The following SPTAN1 variants were observed in gnomAD, a reference collection of about 807,000 sequenced individuals.
SPTAN1 encodes the protein spectrin alpha, non-erythrocytic 1.
Under a neutral mutation model 331.3 loss-of-function variants are expected in SPTAN1, and 61 were observed. That is an observed-to-expected ratio of 0.18 (90% CI 0.15 to 0.23). The LOEUF (loss-of-function observed/expected upper bound fraction) is 0.23. Among genes scored for constraint, SPTAN1 ranks in the 10% least tolerant of loss-of-function variants. SPTAN1 has a pLI of 1.00. For missense variants in SPTAN1, 2,043 were observed against 3,147.9 expected (o/e 0.65, Z 8.40); for synonymous variants, 1,153 against 1,173.9 (o/e 0.98, Z 0.36).
At chr9:128,610,003 G>T (rs908295018) in intron 37 of SPTAN1, among the ~76,000 whole-genome samples, 1 of 152,178 alleles carries the variant, frequency 6.6e-6, no homozygotes, top group Non-Finnish European at 1.5e-5. Flanking sequence ...AGCTTTTTCT[G>T]TGTAGACATT....
chr9:128,615,776 C>T lies in SPTAN1; in HGVS notation c.5293C>T (p.Leu1765=). ...KSMAASRRAK[L]NESHRLHQFF... is the part of the protein sequence containing the mutation. The stretch of plus-strand genomic sequence containing the variant: ...CATGGCGGCCTCCCGGCGAGCCAAG[C>T]TGAATGAATCCCATCGCCTGCACCA... The change falls in exon 41 of 57, where the codon CTG becomes TTG. Residue 1765 remains leucine (L), a synonymous_variant. Transcript: ENST00000372739. The T allele has an allele frequency of 3.1e-6, 5 of 1,614,240 alleles. No individual in the cohort carries two copies. The highest frequency in any genetic ancestry group is 4.2e-6 in the Non-Finnish European group (5 of 1,180,046).
chr9:128,606,292 T>A (rs1302955822), intron 31 of SPTAN1, among the ~76,000 whole-genome samples: 1 of 136,040 alleles, frequency 7.4e-6, no homozygotes, highest in African/African-American at 2.7e-5. Flanking sequence ...AGGAGAATCA[T>A]TTGAACCTGG....
At chr9:128,608,556 G>A (rs1313335452) in intron 34 of SPTAN1, among the ~76,000 whole-genome samples, 1 of 152,188 alleles carries the variant, frequency 6.6e-6, no homozygotes, top group East Asian at 1.9e-4. Context: ...AAAACTGTTT[G>A]ATTTATACGT....
chr9:128,632,011 T>G, intron 52 of SPTAN1, 116 bp from the exon 53 acceptor site: 1 of 1,057,514 alleles, frequency 9.5e-7, no homozygotes, highest in Non-Finnish European at 1.4e-6. Flanking sequence ...AATGTTCTTG[T>G]TTTACGAGGT....
chr9:128,613,557 C>A, intron 40 of SPTAN1, 72 bp downstream of exon 40: 4 of 1,283,748 alleles, frequency 3.1e-6, no homozygotes, highest in South Asian at 1.2e-5. Context: ...GGAAAACAAG[C>A]GTGTTTGAGA....
Position 128,603,546 on chromosome 9 carries a change from G to A in SPTAN1, c.3583G>A (p.Ala1195Thr). Residue 1195 changes from alanine (A) to threonine (T), a missense_variant, in exon 28 of 57, where the codon GCT becomes ACT. By Grantham distance (58) the Ala-to-Thr change is moderately conservative. Around this residue, in one of 12 missense-constraint regions of SPTAN1, gnomAD observed 1,038 missense variants for 1,531.5 expected, o/e 0.68. Coordinates refer to ENST00000372739, the MANE Select transcript of SPTAN1 (RefSeq NM_001130438.3). ...TTCTGCTTTCCTCCCTACCTAGTCTGCTCGTCTGATGGTTCACACCGTGGC... is the reference window on the plus strand; with the variant it reads ...TTCTGCTTTCCTCCCTACCTAGTCTACTCGTCTGATGGTTCACACCGTGGC... ...DSKTASPWKS[A>T]RLMVHTVATF... The A allele has an allele frequency of 6.2e-7, 1 of 1,614,182 alleles. No individual in the cohort carries two copies. Among genetic ancestry groups the A allele is most frequent in the Non-Finnish European group, 8.5e-7 (1 of 1,180,044 alleles).
At chr9:128,628,110 C>A in intron 51 of SPTAN1, 168 bp downstream of exon 51, 2 of 888,738 alleles carry the variant, frequency 2.3e-6, no homozygotes, top group Non-Finnish European at 3.8e-6. Flanking sequence ...GTGCCTTGCC[C>A]CATAGCCCAT....
At position 128,557,799 on chromosome 9, in the gene SPTAN1, C is replaced by CT. The variant is rs72214808; in HGVS notation, c.-4+5125dup. ...TATCTTTGGATTAAATTAGAAATTTCTTTTTTTTTTTTTTTTTTTTTTGAG... is the reference window on the plus strand; with the variant it reads ...TATCTTTGGATTAAATTAGAAATTTCTTTTTTTTTTTTTTTTTTTTTTTGAG... On this transcript the variant is annotated intron_variant, in intron 1 of 56. Transcript: ENST00000372739. Among the ~76,000 whole-genome samples, 633 of 84,968 alleles carry CT rather than the reference C, an allele frequency of 7.4e-3. 15 individuals carry two copies. The highest frequency in any genetic ancestry group is 0.013 in the African/African-American group (294 of 22,404). The allele number at this position is 84,968 out of a possible 152,430, so 55.7% of individuals were successfully genotyped here.
chr9:128,589,851 A>G (rs1397612697), intron 21 of SPTAN1, among the ~76,000 whole-genome samples: 1 of 152,212 alleles, frequency 6.6e-6, no homozygotes, highest in East Asian at 1.9e-4. Flanking sequence ...CTGAGATTAC[A>G]GGCATGAGCC....
chr9:128,604,960 A>T, intron 29 of SPTAN1, 74 bp from the exon 30 acceptor site: 1 of 1,407,720 alleles, frequency 7.1e-7, no homozygotes, highest in Admixed American at 2.0e-5. Context: ...ATAAATAAAT[A>T]AATTTTTTTT....
intron 12 of SPTAN1, among the ~76,000 whole-genome samples, 200 bp from the exon 13 acceptor site, chr9:128,582,279 T>C (rs1852039324): frequency 6.6e-6 from 1 of 152,124 alleles, no homozygotes; most frequent in African/African-American, 2.4e-5. Context: ...GGTAGTGCAG[T>C]CTTATGATAT....
chr9:128,598,327 A>C, intron 24 of SPTAN1, 73 bp from the exon 25 acceptor site: 1 of 1,115,594 alleles, frequency 9.0e-7, no homozygotes, highest in South Asian at 1.3e-5. Flanking sequence ...TTCAAGCCAT[A>C]GTTTGTGACT....
At chr9:128,582,647 C>T in intron 13 of SPTAN1, 47 bp from the exon 14 acceptor site, 1 of 1,611,288 alleles carries the variant, frequency 6.2e-7, no homozygotes, top group Non-Finnish European at 8.5e-7. Flanking sequence ...CTGGATATCC[C>T]TTTGGGAGTG....
chr9:128,631,970 G>T, intron 52 of SPTAN1, 157 bp from the exon 53 acceptor site: 1 of 728,984 alleles, frequency 1.4e-6, no homozygotes, highest in South Asian at 1.8e-5. Context: ...GATTTCTTCA[G>T]CTTCACCCCA....
intron 2 of SPTAN1, 106 bp from the exon 3 acceptor site, chr9:128,568,666 A>G (rs1392228633): frequency 4.7e-6 from 7 of 1,490,618 alleles, no homozygotes; most frequent in Admixed American, 1.8e-5. Context: ...TGTATCCCTA[A>G]CTAGAGGGAG....
chr9:128,619,380 G>C (rs913736055), intron 44 of SPTAN1, among the ~76,000 whole-genome samples: 5 of 152,220 alleles, frequency 3.3e-5, no homozygotes, highest in African/African-American at 1.2e-4. Flanking sequence ...GAGATTTATT[G>C]CTTCTCAGTT....
chr9:128,561,879 A>G (rs1386857073), intron 1 of SPTAN1, among the ~76,000 whole-genome samples: 1 of 151,952 alleles, frequency 6.6e-6, no homozygotes, highest in African/African-American at 2.4e-5. Flanking sequence ...AATTGGATCT[A>G]TAATATGTGC....
intron 27 of SPTAN1, among the ~76,000 whole-genome samples, chr9:128,600,355 G>T (rs1248834895): frequency 6.6e-6 from 1 of 152,198 alleles, no homozygotes; most frequent in Non-Finnish European, 1.5e-5. Flanking sequence ...GTTGGTGCAG[G>T]ATATGCTGCA....
chr9:128,620,305 G>T (rs766849839), intron 44 of SPTAN1, among the ~76,000 whole-genome samples: 5 of 152,186 alleles, frequency 3.3e-5, no homozygotes, highest in Non-Finnish European at 5.9e-5. Flanking sequence ...GCATCCTCCC[G>T]CTGGTCAGGG....
Sources: allele counts gnomAD v4.1 joint callset (sites outside exome capture counted in the v4.1 genomes callset), GRCh38; gene constraint gnomAD v4.1.1; regional missense constraint gnomAD v4.1.1; transcripts MANE v1.5; gene names NCBI Gene and HGNC (gene_info 2026-07-23, HGNC 2026-07-21).